The following MTARC2 variants were observed in gnomAD, a reference collection of about 807,000 sequenced individuals.
MTARC2 encodes the protein mitochondrial amidoxime reducing component 2.
In MTARC2, 27 loss-of-function variants were observed where a neutral mutation model predicts 35.6. The observed-to-expected ratio is 0.76, with a 90% CI of 0.56 to 1.04. The LOEUF (loss-of-function observed/expected upper bound fraction) is 1.04, where lower values mean the gene tolerates loss of function less well. Among genes scored for constraint, MTARC2 ranks in the 50% least tolerant of loss-of-function variants. The pLI is 0.00. For missense variants in MTARC2, 412 were observed against 432.5 expected, an observed-to-expected ratio of 0.95 and a Z score of 0.42; for synonymous variants, 158 against 167.1, an observed-to-expected ratio of 0.95 and a Z score of 0.42.
rs11364112 is a variant in MTARC2 at position 220,780,453 on chromosome 1, CTT to C, written c.884+231_884+232del. On this transcript the variant is annotated intron_variant, in intron 6 of 7. Transcript: ENST00000366913. ...TGGATCCTCTAGTGCTTTGGATAAA[CTT>C]TTTTTTTTTTTTTTTTGAGAGGAGC... Among the ~76,000 whole-genome samples the C allele has an allele frequency of 9.0e-3, 1,199 of 133,682 alleles. 14 individuals are homozygous for C. Among genetic ancestry groups the C allele is most frequent in the African/African-American group, 0.029 (1,017 of 34,796 alleles). The allele number at this position is 133,682 out of a possible 152,430, so 87.7% of individuals were successfully genotyped here.
At chr1:220,767,076 A>G (rs1483601272) in intron 4 of MTARC2, among the ~76,000 whole-genome samples, 3 of 152,126 alleles carry the variant, frequency 2.0e-5, no homozygotes, top group Non-Finnish European at 4.4e-5. Flanking sequence ...CTGTGCTATG[A>G]TGGGCTTACA....
chr1:220,752,556 C>T (rs531353128), intron 1 of MTARC2, among the ~76,000 whole-genome samples: 1 of 152,198 alleles, frequency 6.6e-6, no homozygotes, highest in African/African-American at 2.4e-5. Flanking sequence ...CTAAAGACAT[C>T]TTTGACCAGG....
chr1:220,781,938 G>T lies in MTARC2; in HGVS notation c.*31+6G>T, dbSNP rs763536339. The T allele has an allele frequency of 4.4e-6, 7 of 1,598,894 alleles. No individual in the cohort carries two copies. The highest frequency in any genetic ancestry group is 6.0e-6 in the Non-Finnish European group (7 of 1,171,258). On this transcript the variant is annotated splice_donor_region_variant and intron_variant, in intron 7 of 7. Transcript: ENST00000366913. ...GGATCCACTAGGGTGATATGGTAAA[G>T]GGTCAGCTTTGCTTCTGAATACGCT...
At chr1:220,781,567 T>C (rs949358030) in intron 6 of MTARC2, among the ~76,000 whole-genome samples, 24 of 152,240 alleles carry the variant, frequency 1.6e-4, no homozygotes, top group Non-Finnish European at 2.9e-4. Context: ...ACTGAAGCCA[T>C]GGAGAAATTG....
intron 7 of MTARC2, among the ~76,000 whole-genome samples, chr1:220,783,104 T>C (rs1672126674): frequency 6.6e-6 from 1 of 152,226 alleles, no homozygotes; most frequent in Non-Finnish European, 1.5e-5. Flanking sequence ...TGCATAACCA[T>C]AACCATATTT....
intron 4 of MTARC2, among the ~76,000 whole-genome samples, chr1:220,778,024 C>T (rs1671963434): frequency 6.6e-6 from 1 of 152,034 alleles, no homozygotes; most frequent in Non-Finnish European, 1.5e-5. Context: ...GAGCGGATCA[C>T]CTGAGGTTAG....
intron 4 of MTARC2, among the ~76,000 whole-genome samples, chr1:220,778,204 C>A (rs1246463199): frequency 7.1e-6 from 1 of 141,832 alleles, no homozygotes; most frequent in Non-Finnish European, 1.5e-5. Flanking sequence ...GCCGAGATTG[C>A]GCCACTGCAT....
chr1:220,748,731 C>T lies in MTARC2; in HGVS notation c.200C>T (p.Ser67Phe). 1 of 1,600,366 alleles carries T rather than the reference C, an allele frequency of 6.2e-7. No homozygotes were observed. The highest frequency in any genetic ancestry group is 8.5e-7 in the Non-Finnish European group (1 of 1,173,718). Residue 67 changes from serine to phenylalanine, a missense_variant, in exon 1 of 8, where the codon TCC (serine) becomes TTC (phenylalanine). Physicochemically the swap from Ser to Phe is radical, Grantham distance 155. Coordinates refer to ENST00000366913, the MANE Select transcript of MTARC2 (RefSeq NM_017898.5). Reference sequence around the variant, plus strand: ...AAGCTCTGGATCTACCCGGTGAAATCCTGCAAAGGGGTGCCGGTGAGCGAG... The same window carrying T: ...AAGCTCTGGATCTACCCGGTGAAATTCTGCAAAGGGGTGCCGGTGAGCGAG... ...VAKLWIYPVK[S>F]CKGVPVSEAE... is the part of the protein sequence containing the mutation.
intron 4 of MTARC2, among the ~76,000 whole-genome samples, chr1:220,764,321 G>C (rs1186342420): frequency 2.6e-5 from 4 of 152,062 alleles, no homozygotes; most frequent in Admixed American, 2.6e-4. Flanking sequence ...TTGAACTCCT[G>C]ACCTCAGGTG....
In MTARC2 at chr1:220,748,704, C is replaced by T; in HGVS notation, c.173C>T (p.Ala58Val). The part of the protein sequence containing the change: ...RRRLQQVGTV[A>V]KLWIYPVKSC... ...CGGCTGCAGCAGGTGGGCACCGTGG[C>T]GAAGCTCTGGATCTACCCGGTGAAA... Residue 58 changes from alanine to valine, a missense_variant, in exon 1 of 8, where the codon GCG becomes GTG. Physicochemically the swap from Ala to Val is moderately conservative, Grantham distance 64 (BLOSUM62 0). Transcript: ENST00000366913. 6.3e-7 allele frequency: 1 copy of T among 1,594,554 alleles called. No homozygotes were observed.
chr1:220,763,608 A>C (rs573801346), intron 4 of MTARC2, among the ~76,000 whole-genome samples: 1 of 152,324 alleles, frequency 6.6e-6, no homozygotes, highest in Non-Finnish European at 1.5e-5. Context: ...AAACTACATC[A>C]GAACCCAGTA....
intron 2 of MTARC2, among the ~76,000 whole-genome samples, 189 bp from the exon 3 acceptor site, chr1:220,761,469 T>G (rs1177703347): frequency 6.6e-6 from 1 of 152,130 alleles, no homozygotes; most frequent in Non-Finnish European, 1.5e-5. Flanking sequence ...TACATTAGGG[T>G]TTGGGTAGCT....
At chr1:220,779,368 C>A (rs190373041) in intron 4 of MTARC2, among the ~76,000 whole-genome samples, 10 of 152,182 alleles carry the variant, frequency 6.6e-5, no homozygotes, top group Admixed American at 5.9e-4. Flanking sequence ...TCCAGTGTGA[C>A]CTTGAGACAA....
In MTARC2 at chr1:220,763,185, T is replaced by G. The variant is rs952242519; in HGVS notation, c.750+135T>G. On this transcript the variant is annotated intron_variant, in intron 4 of 7. Coordinates refer to ENST00000366913, the MANE Select transcript of MTARC2 (RefSeq NM_017898.5). ...ACTCATTGCTGCTGCCATCACTCAT[T>G]GCTTGCGGAGTTGTTCACCCATTGT... 15 of 1,275,490 alleles carry G rather than the reference T, an allele frequency of 1.2e-5. No homozygotes were observed. The Admixed American group carries it at 1.8e-4, about 16-fold the overall frequency. The allele number at this position is 1,275,490 out of a possible 1,614,324, so 79.0% of individuals were successfully genotyped here. A position where few individuals can be genotyped will look rare whatever the true frequency, so the allele number is the denominator to read the frequency against.
chr1:220,750,619 G>A (rs1224123272), intron 1 of MTARC2, among the ~76,000 whole-genome samples: 1 of 152,162 alleles, frequency 6.6e-6, no homozygotes, highest in African/African-American at 2.4e-5. Context: ...TGGGGTAGAG[G>A]GAAAGGCAAT....
Position 220,754,860 on chromosome 1 carries a change from G to A in MTARC2, c.273-87G>A, listed in dbSNP as rs999750813. The A allele has an allele frequency of 4.9e-6, 6 of 1,223,154 alleles. No homozygotes were observed. In the Admixed American group the frequency reaches 9.4e-5, roughly 19 times the overall value. 75.8% of individuals were successfully genotyped at this position (1,223,154 alleles called of 1,614,324 possible). A position where few individuals can be genotyped will look rare whatever the true frequency, so the allele number is the denominator to read the frequency against. On this transcript the variant is annotated intron_variant, in intron 1 of 7. Transcript: ENST00000366913. The stretch of plus-strand genomic sequence containing the variant: ...TAGGTCCCAAGACGGGGTGGGTGGA[G>A]AGTTCTGAGGAAGTAGAAAGCTGGA...
chr1:220,769,291 A>C (rs545269856), intron 4 of MTARC2, among the ~76,000 whole-genome samples: 1 of 152,180 alleles, frequency 6.6e-6, no homozygotes, highest in Non-Finnish European at 1.5e-5. Flanking sequence ...CTTTCTTATC[A>C]CTACACCCAG....
At chr1:220,771,486 C>A (rs1671743661) in intron 4 of MTARC2, among the ~76,000 whole-genome samples, 1 of 152,066 alleles carries the variant, frequency 6.6e-6, no homozygotes. Flanking sequence ...GGATACTTAT[C>A]CTTGAAGGAT....
At chr1:220,774,954 CGT>C (rs143387283) in intron 4 of MTARC2, among the ~76,000 whole-genome samples, 61 of 149,738 alleles carry the variant, frequency 4.1e-4, no homozygotes, top group Admixed American at 8.0e-4. Context: ...CGTGTGTGTG[CGT>C]GTGTGTGTGT....
Sources: gnomAD v4.1 joint callset for allele counts (sites outside exome capture counted in the v4.1 genomes callset) on GRCh38, gnomAD v4.1.1 for gene constraint, MANE v1.5 for transcripts, NCBI Gene and HGNC (gene_info 2026-07-23, HGNC 2026-07-21) for gene names.